The following RAD51B variants were observed in gnomAD, a reference collection of about 807,000 sequenced individuals.
The protein encoded by RAD51B is RAD51 paralog B.
RAD51B carries 38 observed loss-of-function variants against 42.2 expected under a neutral mutation model. The observed-to-expected ratio is 0.90, with a 90% CI of 0.70 to 1.18. The LOEUF (loss-of-function observed/expected upper bound fraction) is 1.18, where lower values mean the gene tolerates loss of function less well. Ranked by LOEUF, RAD51B falls within the 50% of genes most tolerant of loss-of-function variation. The pLI, the probability that RAD51B is intolerant of heterozygous loss-of-function variation, is 0.00. For missense variants in RAD51B, 373 were observed against 400.7 expected (o/e 0.93, Z 0.59); for synonymous variants, 154 against 145.2 (o/e 1.06, Z -0.43).
At chr14:68,665,424 C>G (rs1043262214) in intron 11 of RAD51B, among the ~76,000 whole-genome samples, 1 of 152,242 alleles carries the variant, frequency 6.6e-6, no homozygotes, top group Non-Finnish European at 1.5e-5. Flanking sequence ...AAAAGTTATT[C>G]CTGGCCAAGT....
At chr14:68,107,946 A>G (rs2077400930) in intron 7 of RAD51B, among the ~76,000 whole-genome samples, 1 of 151,866 alleles carries the variant, frequency 6.6e-6, no homozygotes, top group Non-Finnish European at 1.5e-5. Context: ...ATAAGGGTCT[A>G]GTATCCAGAA....
chr14:68,502,065 A>T (rs140825160), intron 10 of RAD51B, among the ~76,000 whole-genome samples: 1 of 152,248 alleles, frequency 6.6e-6, no homozygotes, highest in Non-Finnish European at 1.5e-5. Context: ...TGAGCCATCA[A>T]AGGAGCCTCA....
At chr14:68,562,516 TG>T (rs1214518072) in intron 10 of RAD51B, 15 of 985,436 alleles carry the variant, frequency 1.5e-5, no homozygotes, top group Non-Finnish European at 1.8e-5. Flanking sequence ...CTCTGCAGGG[TG>T]GAGCCAGCAC....
At chr14:68,461,454 G>A (rs749993618) in intron 9 of RAD51B, among the ~76,000 whole-genome samples, 1 of 152,116 alleles carries the variant, frequency 6.6e-6, no homozygotes, top group Non-Finnish European at 1.5e-5. Flanking sequence ...CATCATGGTG[G>A]TTAAAAGTAC....
chr14:68,284,795 C>T (rs1449233613), intron 7 of RAD51B, among the ~76,000 whole-genome samples: 1 of 150,862 alleles, frequency 6.6e-6, no homozygotes, highest in Non-Finnish European at 1.5e-5. Flanking sequence ...TTTTGATTTT[C>T]CAGAGCATGG....
chr14:68,194,787 A>G (rs2079336674), intron 7 of RAD51B, among the ~76,000 whole-genome samples: 1 of 152,216 alleles, frequency 6.6e-6, no homozygotes, highest in South Asian at 2.1e-4. Flanking sequence ...ACAAGGGGGA[A>G]GAATACTTTT....
intron 10 of RAD51B, among the ~76,000 whole-genome samples, chr14:68,546,274 G>A (rs1331497825): frequency 6.6e-6 from 1 of 152,174 alleles, no homozygotes; most frequent in Non-Finnish European, 1.5e-5. Flanking sequence ...TGGCATAGAA[G>A]GGAAGGGGAG....
chr14:68,354,131 G>A (rs1381758832), intron 8 of RAD51B, among the ~76,000 whole-genome samples: 1 of 151,576 alleles, frequency 6.6e-6, no homozygotes, highest in African/African-American at 2.4e-5. Context: ...TATGGTCACT[G>A]TTCTTTGTGG....
chr14:68,659,931 G>A (rs1008326779), intron 11 of RAD51B, among the ~76,000 whole-genome samples: 1 of 152,270 alleles, frequency 6.6e-6, no homozygotes, highest in Non-Finnish European at 1.5e-5. Context: ...TCTTGAGCTG[G>A]TGGGGGTTGG....
chr14:68,466,139 A>C (rs953201495), intron 9 of RAD51B, among the ~76,000 whole-genome samples: 1 of 152,134 alleles, frequency 6.6e-6, no homozygotes, highest in Non-Finnish European at 1.5e-5. Context: ...GTGTATCTAA[A>C]TAACTTTAGA....
At chr14:68,450,764 G>A (rs1051710650) in intron 9 of RAD51B, among the ~76,000 whole-genome samples, 1 of 152,162 alleles carries the variant, frequency 6.6e-6, no homozygotes, top group East Asian at 1.9e-4. Flanking sequence ...TATTCATAGT[G>A]TACCAACCGG....
intron 7 of RAD51B, among the ~76,000 whole-genome samples, chr14:68,106,315 G>GA (rs2077376114): frequency 6.6e-6 from 1 of 151,614 alleles, no homozygotes; most frequent in South Asian, 2.1e-4. Context: ...GAAATATACA[G>GA]AAAAAATAAC....
chr14:68,023,091 T>C (rs2075894128), intron 7 of RAD51B, among the ~76,000 whole-genome samples: 2 of 152,234 alleles, frequency 1.3e-5, no homozygotes, highest in South Asian at 4.1e-4. Flanking sequence ...ATGTCTTTGC[T>C]ATTGTGCATA....
intron 10 of RAD51B, among the ~76,000 whole-genome samples, chr14:68,617,433 A>G (rs1891848283): frequency 6.6e-6 from 1 of 152,164 alleles, no homozygotes; most frequent in African/African-American, 2.4e-5. Flanking sequence ...TTTTCAGCTT[A>G]TAGCTTCTGG....
At chr14:68,671,879 G>A (rs1893166251) in intron 11 of RAD51B, among the ~76,000 whole-genome samples, 1 of 152,198 alleles carries the variant, frequency 6.6e-6, no homozygotes, top group South Asian at 2.1e-4. Flanking sequence ...ATAATGTTCA[G>A]CAAAAACTGC....
intron 7 of RAD51B, among the ~76,000 whole-genome samples, chr14:67,961,926 C>G (rs2140231746): frequency 6.6e-6 from 1 of 152,234 alleles, no homozygotes; most frequent in Non-Finnish European, 1.5e-5. Context: ...GCCTTTTGGG[C>G]TTTTATAGTA....
intron 4 of RAD51B, among the ~76,000 whole-genome samples, chr14:67,863,539 A>G (rs1265618065): frequency 3.3e-5 from 5 of 152,062 alleles, no homozygotes; most frequent in Non-Finnish European, 7.4e-5. Flanking sequence ...TTCCTACTTC[A>G]TAATGTATCT....
At chr14:68,547,673 C>G (rs1020499655) in intron 10 of RAD51B, among the ~76,000 whole-genome samples, 1 of 152,210 alleles carries the variant, frequency 6.6e-6, no homozygotes, top group Non-Finnish European at 1.5e-5. Flanking sequence ...AGCTCTGAAA[C>G]TCCAAGTACA....
intron 5 of RAD51B, among the ~76,000 whole-genome samples, chr14:67,875,685 C>A (rs1380416013): frequency 1.3e-5 from 2 of 152,124 alleles, no homozygotes; most frequent in Non-Finnish European, 2.9e-5. Context: ...GATGTTCGCA[C>A]AATAGTGAAA....
Sources: gnomAD v4.1 joint callset for allele counts (sites outside exome capture counted in the v4.1 genomes callset) on GRCh38, gnomAD v4.1.1 for gene constraint, MANE v1.5 for transcripts, NCBI Gene and HGNC (gene_info 2026-07-23, HGNC 2026-07-21) for gene names.